Variants in MYPN observed in about 807,000 individuals in gnomAD.
MYPN encodes sarcomeric protein myopalladin, 145 kDa (MYOP).
A neutral mutation model predicts 129.4 loss-of-function variants in MYPN; 63 were observed. The ratio of observed to expected loss-of-function variants is 0.49; its 90% CI spans 0.40 to 0.60. The LOEUF (loss-of-function observed/expected upper bound fraction) is 0.60, where lower values mean the gene tolerates loss of function less well. Among genes scored for constraint, MYPN ranks in the 20% least tolerant of loss-of-function variants. The probability of loss-of-function intolerance (pLI) is 0.00; values close to 1 mark genes in which losing one functional copy is unlikely to be tolerated. For missense variants in MYPN, 1,596 were observed against 1,635.4 expected (o/e 0.98, Z 0.42); for synonymous variants, 629 against 600.9 (o/e 1.05, Z -0.68).
At chr10:68,124,919 A>G (rs2042302729) in intron 2 of MYPN, among the ~76,000 whole-genome samples, 2 of 152,206 alleles carry the variant, frequency 1.3e-5, no homozygotes, top group East Asian at 1.9e-4. Flanking sequence ...CTACAGCCCC[A>G]TGACAGCTAC....
At chr10:68,188,661 C>A (rs1002220808) in intron 12 of MYPN, among the ~76,000 whole-genome samples, 6 of 152,150 alleles carry the variant, frequency 3.9e-5, no homozygotes, top group Non-Finnish European at 8.8e-5. Flanking sequence ...ACAGAATTCT[C>A]CTGGGGCTGC....
intron 12 of MYPN, 109 bp from the exon 13 acceptor site, chr10:68,188,796 A>C: frequency 1.1e-6 from 1 of 888,856 alleles, no homozygotes; most frequent in Non-Finnish European, 1.8e-6. Flanking sequence ...TTTGGATTTC[A>C]TGGTATAAAT....
chr10:68,154,063 T>C (rs973283174), intron 6 of MYPN, among the ~76,000 whole-genome samples: 3 of 152,132 alleles, frequency 2.0e-5, no homozygotes, highest in Non-Finnish European at 4.4e-5. Flanking sequence ...GTGGTAGAAT[T>C]TGAGAGAGGA....
At chr10:68,167,114 T>C (rs1009558684) in intron 10 of MYPN, among the ~76,000 whole-genome samples, 1 of 152,138 alleles carries the variant, frequency 6.6e-6, no homozygotes, top group African/African-American at 2.4e-5. Context: ...CAAATGTACA[T>C]CCTTACATCA....
intron 7 of MYPN, among the ~76,000 whole-genome samples, chr10:68,159,795 A>G (rs1010263088): frequency 1.3e-5 from 2 of 151,984 alleles, no homozygotes; most frequent in South Asian, 4.1e-4. Flanking sequence ...GCATTTCTGT[A>G]TTTTTTTAGT....
chr10:68,208,368 G>C (rs1183869727), intron 19 of MYPN, among the ~76,000 whole-genome samples: 3 of 152,112 alleles, frequency 2.0e-5, no homozygotes, highest in Non-Finnish European at 4.4e-5. Flanking sequence ...CTAGTTTTTG[G>C]AGAAAATATA....
In MYPN at chr10:68,166,410, C is replaced by T. The variant is rs779895608; in HGVS notation, c.1717C>T (p.Pro573Ser). The part of the protein sequence containing the change: ...PHSEPPSVEQ[P>S]PKPKLEGVLV... The stretch of plus-strand genomic sequence containing the variant: ...CTCAGAGCCTCCATCTGTGGAACAA[C>T]CCCCCAAACCCAAACTCGAGGGGGT... Residue 573 changes from proline (P) to serine (S), a missense_variant, in exon 10 of 20, where the codon CCC becomes TCC. By Grantham distance (74) the Pro-to-Ser change is moderately conservative. Transcript: ENST00000358913. 7 of 1,614,058 alleles carry T rather than the reference C, an allele frequency of 4.3e-6. No homozygotes were observed. The highest frequency in any genetic ancestry group is 5.9e-6 in the Non-Finnish European group (7 of 1,180,022).
chr10:68,095,255 T>A (rs2041951090), intron 1 of MYPN, among the ~76,000 whole-genome samples: 1 of 148,314 alleles, frequency 6.7e-6, no homozygotes, highest in Admixed American at 6.8e-5. Flanking sequence ...GAGGCTGAGG[T>A]GGGAAGATTG....
chr10:68,103,822 C>T (rs570150514), upstream of MYPN, among the ~76,000 whole-genome samples: 11 of 152,210 alleles, frequency 7.2e-5, no homozygotes, highest in East Asian at 7.7e-4. Flanking sequence ...TGGTGGCAGG[C>T]GCCTGTAATC....
intron 12 of MYPN, among the ~76,000 whole-genome samples, chr10:68,181,426 A>G (rs1407450348): frequency 1.3e-5 from 2 of 151,830 alleles, no homozygotes; most frequent in Non-Finnish European, 2.9e-5. Flanking sequence ...AGTAGCTGGG[A>G]CTGCAGGTGC....
At chr10:68,210,204 G>A (rs2043885802) in intron 19 of MYPN, 82 bp from the exon 20 acceptor site, 19 of 1,501,242 alleles carry the variant, frequency 1.3e-5, no homozygotes, top group Non-Finnish European at 1.7e-5. Context: ...GAGAATCGGG[G>A]TGAGGACAGA....
rs142320290 is a variant in MYPN, at chr10:68,195,460, G to T, written c.3086G>T (p.Ser1029Ile). 3 of 1,613,842 alleles carry T rather than the reference G, an allele frequency of 1.9e-6. No homozygotes were observed. Among genetic ancestry groups the T allele is most frequent in the African/African-American group, 1.3e-5 (1 of 74,906 alleles). Reference protein sequence around the residue: ...IMAANPQGRISCSGHLMVQSL... With the variant: ...IMAANPQGRIICSGHLMVQSL... ...TTTTCTGTTTGTCAGGGGAGAATCA[G>T]CTGTTCTGGCCACTTGATGGTACAA... The change falls in exon 15 of 20, where the codon AGC (serine) becomes ATC (isoleucine). Residue 1029 changes from serine (S) to isoleucine (I), a missense_variant. Coordinates refer to ENST00000358913, the MANE Select transcript of MYPN (RefSeq NM_032578.4).
At chr10:68,187,043 A>G (rs1564689876) in intron 12 of MYPN, among the ~76,000 whole-genome samples, 2 of 151,696 alleles carry the variant, frequency 1.3e-5, no homozygotes, top group African/African-American at 2.4e-5. Context: ...GCAAGATGTC[A>G]CCTCTCTGCC....
chr10:68,089,881 A>G (rs1036359386), intron 1 of MYPN, among the ~76,000 whole-genome samples: 5 of 152,144 alleles, frequency 3.3e-5, no homozygotes, highest in Non-Finnish European at 4.4e-5. Flanking sequence ...GATAATTTTC[A>G]CTTAATGATA....
At chr10:68,143,808 G>T (rs1036206415) in intron 3 of MYPN, among the ~76,000 whole-genome samples, 1 of 152,166 alleles carries the variant, frequency 6.6e-6, no homozygotes, top group Non-Finnish European at 1.5e-5. Flanking sequence ...AAGCTGGAGT[G>T]CAGTGACACC....
At chr10:68,179,962 C>T (rs1350400609) in intron 12 of MYPN, among the ~76,000 whole-genome samples, 1 of 152,110 alleles carries the variant, frequency 6.6e-6, no homozygotes, top group African/African-American at 2.4e-5. Flanking sequence ...TTTAATAATT[C>T]TTTATTCTTA....
chr10:68,094,872 GC>G (rs1044569930), intron 1 of MYPN, among the ~76,000 whole-genome samples: 1 of 152,062 alleles, frequency 6.6e-6, no homozygotes, highest in Non-Finnish European at 1.5e-5. Flanking sequence ...GACCAGTCTG[GC>G]CAACATAGTG....
rs1298718482 is a variant in MYPN at position 68,211,160 on chromosome 10, T to C, written c.*705T>C. 1 of 453,996 alleles carries C rather than the reference T, an allele frequency of 2.2e-6. No individual in the cohort carries two copies. The highest frequency in any genetic ancestry group is 4.4e-6 in the Non-Finnish European group (1 of 226,804). 28.1% of individuals were successfully genotyped at this position (453,996 alleles called of 1,614,324 possible). Reference sequence around the variant, plus strand: ...CCAGCTTGTCTGCACTATTTTCTTTTGGGTGGTGACTGTTTTTTTCTGACT... The same window carrying C: ...CCAGCTTGTCTGCACTATTTTCTTTCGGGTGGTGACTGTTTTTTTCTGACT... On this transcript the variant is annotated 3_prime_UTR_variant, in exon 20 of 20. Transcript: ENST00000358913.
At chr10:68,105,188 T>A (rs560128301), upstream of MYPN, among the ~76,000 whole-genome samples, 2 of 152,326 alleles carry the variant, frequency 1.3e-5, no homozygotes, top group East Asian at 3.9e-4. Context: ...AGGTTCAATT[T>A]TGGCTCAGTC....
Sources: allele counts gnomAD v4.1 joint callset (sites outside exome capture counted in the v4.1 genomes callset), GRCh38; gene constraint gnomAD v4.1.1; transcripts MANE v1.5; gene names NCBI Gene and HGNC (gene_info 2026-07-23, HGNC 2026-07-21).